The following PBX1 variants were observed in gnomAD, a reference collection of about 807,000 sequenced individuals.
PBX1 encodes the protein pre-B-cell leukemia transcription factor 1.
PBX1 carries 6 observed loss-of-function variants against 53.4 expected under a neutral mutation model. The observed-to-expected ratio is 0.11, with a 90% CI of 0.06 to 0.22. The LOEUF (loss-of-function observed/expected upper bound fraction) is 0.22. Among genes scored for constraint, PBX1 ranks in the 10% least tolerant of loss-of-function variants. The pLI is 1.00. For synonymous variants in PBX1, 204 were observed against 212.3 expected (o/e 0.96, Z 0.34); for missense variants, 251 against 551.4 (o/e 0.46, Z 5.46).
chr1:164,843,451 A>G (rs1020395366), intron 8 of PBX1, among the ~76,000 whole-genome samples: 10 of 152,110 alleles, frequency 6.6e-5, no homozygotes, highest in Non-Finnish European at 1.2e-4. Flanking sequence ...CTGAGACTTT[A>G]GGTACTAACA....
Position 164,847,236 on chromosome 1 carries a change from C to T in PBX1, c.*560C>T, listed in dbSNP as rs991912321. ...GCCTCCCTGCTTCCTCTTGCTCTTCCTCCCTGGGGACAGTACTGATTGGAA... is the reference window on the plus strand; with the variant it reads ...GCCTCCCTGCTTCCTCTTGCTCTTCTTCCCTGGGGACAGTACTGATTGGAA... On this transcript the variant is annotated 3_prime_UTR_variant, in exon 9 of 9. Coordinates refer to ENST00000420696, the MANE Select transcript of PBX1 (RefSeq NM_002585.4). The T allele has an allele frequency of 3.7e-6, 4 of 1,073,560 alleles. No individual in the cohort carries two copies. The African/African-American group carries it at 4.9e-5, about 13-fold the overall frequency. 66.5% of individuals were successfully genotyped at this position (1,073,560 alleles called of 1,614,324 possible). A position where few individuals can be genotyped will look rare whatever the true frequency, so the allele number is the denominator to read the frequency against.
chr1:164,777,629 T>C (rs1266650300), intron 2 of PBX1, among the ~76,000 whole-genome samples: 2 of 152,128 alleles, frequency 1.3e-5, no homozygotes, highest in East Asian at 3.9e-4. Context: ...ATTAAGAAAA[T>C]CTCTGCTTTT....
intron 2 of PBX1, among the ~76,000 whole-genome samples, chr1:164,703,661 C>T (rs528884987): frequency 6.6e-6 from 1 of 152,324 alleles, no homozygotes; most frequent in East Asian, 1.9e-4. Context: ...CCGCTTCCGT[C>T]ACTGGCTGTT....
In PBX1 at chr1:164,847,806, C is replaced by G. The variant is rs147776492; in HGVS notation, c.*1130C>G. 9.5e-7 allele frequency: 1 copy of G among 1,054,370 alleles called. No individual in the cohort carries two copies. The highest frequency in any genetic ancestry group is 1.1e-6 in the Non-Finnish European group (1 of 872,458). The allele number at this position is 1,054,370 out of a possible 1,614,324, so 65.3% of individuals were successfully genotyped here. A position where few individuals can be genotyped will look rare whatever the true frequency, so the allele number is the denominator to read the frequency against. ...AGTATGTGTCTGGGGCTTCCAGGAC[C>G]TGCAGGCCCACTAGCGTGCACTTAC... On this transcript the variant is annotated 3_prime_UTR_variant, in exon 9 of 9. Coordinates refer to ENST00000420696, the MANE Select transcript of PBX1 (RefSeq NM_002585.4).
intron 2 of PBX1, among the ~76,000 whole-genome samples, chr1:164,720,330 G>A (rs913224592): frequency 6.6e-6 from 1 of 152,080 alleles, no homozygotes; most frequent in Non-Finnish European, 1.5e-5. Flanking sequence ...ACTTCACCAT[G>A]TCTGGATTCT....
Position 164,707,638 on chromosome 1 carries a change from G to A in PBX1, c.266-84856G>A, listed in dbSNP as rs141758336. On this transcript the variant is annotated intron_variant, in intron 2 of 8. Transcript: ENST00000420696. ...GGGAATGCAGCTGGGTTTAAGAGTC[G>A]CCAAGCCAAGACACCCTTTTTGGGA... Among the ~76,000 whole-genome samples, 22 of 152,154 alleles carry A rather than the reference G, an allele frequency of 1.4e-4. 1 individual carries two copies. In the East Asian group the frequency reaches 4.3e-3, roughly 29 times the overall value.
At chr1:164,660,583 G>A (rs1166522531) in intron 2 of PBX1, among the ~76,000 whole-genome samples, 3 of 152,306 alleles carry the variant, frequency 2.0e-5, no homozygotes, top group Middle Eastern at 3.4e-3. Flanking sequence ...AGTAACATCA[G>A]CAGAGGGAGA....
intron 2 of PBX1, among the ~76,000 whole-genome samples, chr1:164,705,911 A>G (rs1364399627): frequency 2.0e-5 from 3 of 152,344 alleles, no homozygotes; most frequent in Middle Eastern, 3.4e-3. Flanking sequence ...CTATGTGTGA[A>G]TGGCACTTTG....
chr1:164,760,435 C>A (rs1460318119), intron 2 of PBX1, among the ~76,000 whole-genome samples: 1 of 150,816 alleles, frequency 6.6e-6, no homozygotes, highest in Non-Finnish European at 1.5e-5. Flanking sequence ...TCCCTCCCTC[C>A]CTTCCCTTCC....
At chr1:164,605,893 T>C (rs916755633) in intron 2 of PBX1, among the ~76,000 whole-genome samples, 1 of 152,220 alleles carries the variant, frequency 6.6e-6, no homozygotes, top group African/African-American at 2.4e-5. Flanking sequence ...AGTTAGAGTT[T>C]ATGTCTCATA....
intron 2 of PBX1, among the ~76,000 whole-genome samples, chr1:164,767,725 T>C (rs1461395368): frequency 6.6e-6 from 1 of 152,162 alleles, no homozygotes; most frequent in African/African-American, 2.4e-5. Flanking sequence ...TTTATAAGTT[T>C]ATTATTATAA....
At chr1:164,865,543 G>A (rs946114722) in intron 2 of PBX1, among the ~76,000 whole-genome samples, 11 of 152,164 alleles carry the variant, frequency 7.2e-5, no homozygotes, top group Admixed American at 1.3e-4. Context: ...ACAGTTCTAC[G>A]ATTTTTGCAC....
chr1:164,688,393 AAT>A, intron 2 of PBX1, among the ~76,000 whole-genome samples: 1 of 152,202 alleles, frequency 6.6e-6, no homozygotes, highest in Admixed American at 6.5e-5. Flanking sequence ...AAGAACTTTT[AAT>A]AAAGTTGCAG....
At chr1:164,872,504 T>A (rs544351574) in intron 2 of PBX1, among the ~76,000 whole-genome samples, 24 of 152,290 alleles carry the variant, frequency 1.6e-4, no homozygotes, top group Admixed American at 1.6e-3. Context: ...TTACGTCTTC[T>A]CCCTATCCTG....
intron 8 of PBX1, among the ~76,000 whole-genome samples, chr1:164,839,050 C>A (rs1424649064): frequency 6.6e-6 from 1 of 152,204 alleles, no homozygotes; most frequent in East Asian, 1.9e-4. Context: ...CTGTTCTCCC[C>A]TGTTCCATTC....
At chr1:164,843,744 A>G (rs997141646) in intron 8 of PBX1, among the ~76,000 whole-genome samples, 1 of 152,136 alleles carries the variant, frequency 6.6e-6, no homozygotes, top group South Asian at 2.1e-4. Flanking sequence ...GTCTGAGAAA[A>G]CAGAACTTTT....
chr1:164,874,058 C>A lies in PBX1; in HGVS notation n.258-25130C>A, dbSNP rs140086373. On this transcript the variant is annotated intron_variant and non_coding_transcript_variant, in intron 2 of 2. Coordinates refer to the PBX1 transcript ENST00000558796. ...TGAAAGGAGAGGAGAGGGCACACAC[C>A]TTTTGTTCTGATTGTTGGCTTGAAA... Among the ~76,000 whole-genome samples, 35 of 151,634 alleles carry A rather than the reference C, an allele frequency of 2.3e-4. No individual in the cohort carries two copies. In the East Asian group the frequency reaches 2.7e-3, roughly 12 times the overall value.
intron 4 of PBX1, 75 bp downstream of exon 4, chr1:164,799,964 C>A (rs563104641): frequency 4.1e-5 from 56 of 1,370,676 alleles, no homozygotes; most frequent in South Asian, 2.4e-4. Context: ...GCCGCTGCCC[C>A]CTTCAGGCTC....
At chr1:164,747,219 G>A (rs1014646518) in intron 2 of PBX1, among the ~76,000 whole-genome samples, 4 of 151,976 alleles carry the variant, frequency 2.6e-5, no homozygotes, top group African/African-American at 9.7e-5. Flanking sequence ...GTAAATTTGA[G>A]AATGATCTTT....
Sources: gnomAD v4.1 joint callset for allele counts (sites outside exome capture counted in the v4.1 genomes callset) on GRCh38, gnomAD v4.1.1 for gene constraint, MANE v1.5 for transcripts, NCBI Gene and HGNC (gene_info 2026-07-23, HGNC 2026-07-21) for gene names.